ADAMTS19: variants seen among roughly 807,000 people sequenced by gnomAD.
ADAMTS19 encodes the protein A disintegrin and metalloproteinase with thrombospondin motifs 19.
A neutral mutation model predicts 153.3 loss-of-function variants in ADAMTS19; 93 were observed. The ratio of observed to expected loss-of-function variants is 0.61; its 90% CI spans 0.51 to 0.72. ADAMTS19 has a LOEUF of 0.72. ADAMTS19 is among the 30% of genes least tolerant of loss of function. The pLI is 0.00. For synonymous variants in ADAMTS19, 600 were observed against 556.6 expected, an observed-to-expected ratio of 1.08 and a Z score of -1.10; for missense variants, 1,482 against 1,552.1, an observed-to-expected ratio of 0.95 and a Z score of 0.76.
At chr5:129,592,327 C>T (rs535490424) in intron 7 of ADAMTS19, among the ~76,000 whole-genome samples, 96 of 141,616 alleles carry the variant, frequency 6.8e-4, no homozygotes, top group Middle Eastern at 4.1e-3. Context: ...TGCAGTGAGC[C>T]GAGATCATGC....
chr5:129,721,000 G>A (rs746188837), intron 21 of ADAMTS19, among the ~76,000 whole-genome samples: 1 of 152,224 alleles, frequency 6.6e-6, no homozygotes, highest in Non-Finnish European at 1.5e-5. Context: ...GTTGTACTAT[G>A]TATAAGCCTT....
intron 21 of ADAMTS19, 30 bp downstream of exon 21, chr5:129,704,421 T>C: frequency 6.2e-7 from 1 of 1,602,758 alleles, no homozygotes; most frequent in East Asian, 2.2e-5. Flanking sequence ...TTCTCAGTAA[T>C]AGGTTTCAAT....
chr5:129,487,191 T>G (rs1156232596), intron 2 of ADAMTS19, among the ~76,000 whole-genome samples: 2 of 152,170 alleles, frequency 1.3e-5, no homozygotes, highest in Non-Finnish European at 2.9e-5. Flanking sequence ...TTTACATTTT[T>G]AAGGCATGGA....
chr5:129,540,254 A>C (rs577087444), intron 6 of ADAMTS19, among the ~76,000 whole-genome samples: 2 of 152,166 alleles, frequency 1.3e-5, no homozygotes, highest in East Asian at 3.9e-4. Context: ...GTTTGGTCTC[A>C]CATAAAATGC....
In ADAMTS19 at chr5:129,461,622, T is replaced by TCCCAGCCCCGGC; in HGVS notation, c.615_616insAGCCCCGGCCCC (p.Pro205_Gly206insSerProGlyPro). On this transcript the variant is annotated inframe_insertion, in exon 2 of 23. Transcript: ENST00000274487. The surrounding 1 kb of genome is among the most constrained non-coding windows in gnomAD (Gnocchi z 4.6). ...GCTTCGCAGTGGAACAGCGGCCAAATCCCGGCCCCGGCCCCACGGGGGCAG... is the reference window on the plus strand; with the variant it reads ...GCTTCGCAGTGGAACAGCGGCCAAATCCCAGCCCCGGCCCCGGCCCCGGCCCCACGGGGGCAG... The TCCCAGCCCCGGC allele has an allele frequency of 6.3e-7, 1 of 1,591,726 alleles. No individual in the cohort carries two copies.
intron 18 of ADAMTS19, among the ~76,000 whole-genome samples, chr5:129,686,805 C>G (rs982605161): frequency 2.1e-4 from 32 of 152,026 alleles, no homozygotes; most frequent in Admixed American, 7.9e-4. Flanking sequence ...ACTTTGTGCC[C>G]CAAGGATAAA....
At chr5:129,710,439 G>T (rs1055624908) in intron 21 of ADAMTS19, among the ~76,000 whole-genome samples, 2 of 152,120 alleles carry the variant, frequency 1.3e-5, no homozygotes, top group Admixed American at 1.3e-4. Context: ...GCATATGAGT[G>T]CATGTATCTT....
chr5:129,676,676 C>T (rs932860226), intron 16 of ADAMTS19, among the ~76,000 whole-genome samples: 1 of 152,210 alleles, frequency 6.6e-6, no homozygotes, highest in African/African-American at 2.4e-5. Flanking sequence ...AGAGCTAATA[C>T]AGTTTTAGTT....
chr5:129,683,723 T>C (rs1476859024), intron 17 of ADAMTS19, among the ~76,000 whole-genome samples: 2 of 151,618 alleles, frequency 1.3e-5, no homozygotes, highest in Non-Finnish European at 2.9e-5. Context: ...CCTTGATATA[T>C]GATAGAACAC....
chr5:129,625,119 A>G (rs1751967232), intron 10 of ADAMTS19, among the ~76,000 whole-genome samples: 1 of 152,144 alleles, frequency 6.6e-6, no homozygotes, highest in African/African-American at 2.4e-5. Flanking sequence ...TAGTTTGCTC[A>G]GAATGATGGT....
intron 2 of ADAMTS19, among the ~76,000 whole-genome samples, chr5:129,499,164 A>G (rs1178079030): frequency 6.6e-6 from 1 of 152,088 alleles, no homozygotes; most frequent in East Asian, 1.9e-4. Flanking sequence ...GAATTCATAG[A>G]TAGCCCAAAA....
intron 11 of ADAMTS19, among the ~76,000 whole-genome samples, chr5:129,643,167 GCACA>G (rs76876946): frequency 0.13 from 18,700 of 148,008 alleles, 1,541 homozygotes; most frequent in African/African-American, 0.24. Context: ...ACACACAAAA[GCACA>G]CACACACACA....
At chr5:129,597,938 C>T (rs1346560659) in intron 8 of ADAMTS19, among the ~76,000 whole-genome samples, 1 of 151,034 alleles carries the variant, frequency 6.6e-6, no homozygotes, top group Non-Finnish European at 1.5e-5. Context: ...AAAGAAATGG[C>T]ACAGGTTGGG....
intron 8 of ADAMTS19, among the ~76,000 whole-genome samples, chr5:129,610,866 C>G (rs1255853719): frequency 6.6e-6 from 1 of 152,222 alleles, no homozygotes; most frequent in Admixed American, 6.5e-5. Flanking sequence ...AATCGCCACA[C>G]TGTCTTCCAC....
At chr5:129,506,606 A>G (rs147537539) in intron 2 of ADAMTS19, among the ~76,000 whole-genome samples, 6 of 152,134 alleles carry the variant, frequency 3.9e-5, no homozygotes, top group African/African-American at 1.2e-4. Flanking sequence ...TGTAATGAAG[A>G]AGCTTCCAAA....
chr5:129,461,426 C>T lies in ADAMTS19; in HGVS notation c.416C>T (p.Ser139Phe), dbSNP rs1163976680. ...PRGSSGAAAL[S>F]PGAPASWQPP... ...GGATCCAGCGGGGCTGCCGCCTTGT[C>T]CCCGGGCGCCCCGGCCTCGTGGCAG... Residue 139 changes from serine (S) to phenylalanine (F), a missense_variant, in exon 2 of 23, where the codon TCC becomes TTC. This residue lies in a region of ADAMTS19 where 866 missense variants were observed against 827.7 expected (regional missense o/e 1.05). Transcript: ENST00000274487. The surrounding 1 kb of genome is among the most constrained non-coding windows in gnomAD (Gnocchi z 4.6). The T allele has an allele frequency of 1.4e-6, 2 of 1,397,240 alleles. No homozygotes were observed. Among genetic ancestry groups the T allele is most frequent in the Non-Finnish European group, 1.8e-6 (2 of 1,088,414 alleles). 86.6% of individuals were successfully genotyped at this position (1,397,240 alleles called of 1,614,324 possible). A position where few individuals can be genotyped will look rare whatever the true frequency, so the allele number is the denominator to read the frequency against.
intron 6 of ADAMTS19, among the ~76,000 whole-genome samples, chr5:129,529,741 G>A (rs1231218261): frequency 6.6e-6 from 1 of 152,136 alleles, no homozygotes; most frequent in Non-Finnish European, 1.5e-5. Context: ...GGCATGGAGA[G>A]GTGCCATGAA....
Position 129,575,487 on chromosome 5 carries a change from A to C in ADAMTS19, c.1373-21072A>C, listed in dbSNP as rs112075542. ...CTTTTAACTGTGATTCATCTTACCTATTTTTCAGAGTTATGACAGTTTGTT... is the reference window on the plus strand; with the variant it reads ...CTTTTAACTGTGATTCATCTTACCTCTTTTTCAGAGTTATGACAGTTTGTT... On this transcript the variant is annotated intron_variant, in intron 7 of 22. Coordinates refer to ENST00000274487, the MANE Select transcript of ADAMTS19 (RefSeq NM_133638.6). Among the ~76,000 whole-genome samples the C allele has an allele frequency of 1.5e-3, 233 of 152,136 alleles. 1 individual carries two copies. Among genetic ancestry groups the C allele is most frequent in the African/African-American group, 5.2e-3 (216 of 41,534 alleles).
intron 6 of ADAMTS19, among the ~76,000 whole-genome samples, chr5:129,544,511 C>T (rs780752238): frequency 6.6e-6 from 1 of 152,142 alleles, no homozygotes; most frequent in Non-Finnish European, 1.5e-5. Flanking sequence ...ATGTGAGAAT[C>T]TGGCTGTCTA....
Sources: gnomAD v4.1 joint callset for allele counts (sites outside exome capture counted in the v4.1 genomes callset) on GRCh38, gnomAD v4.1.1 for gene constraint, gnomAD v4.1.1 regional missense constraint, Gnocchi (gnomAD v3.1) non-coding constraint, MANE v1.5 for transcripts, NCBI Gene and HGNC (gene_info 2026-07-23, HGNC 2026-07-21) for gene names.